Variants in RARB observed in about 807,000 individuals in gnomAD.
RARB encodes the protein retinoic acid receptor beta.
RARB carries 17 observed loss-of-function variants against 51.9 expected under a neutral mutation model. The observed-to-expected ratio is 0.33, with a 90% CI of 0.22 to 0.49. The LOEUF (loss-of-function observed/expected upper bound fraction) is 0.49. RARB is among the 20% of genes least tolerant of loss of function. RARB has a pLI of 0.99. For synonymous variants in RARB, 215 were observed against 195.4 expected (o/e 1.10, Z -0.84); for missense variants, 369 against 550.8 (o/e 0.67, Z 3.30).
intron 2 of RARB, among the ~76,000 whole-genome samples, chr3:25,037,292 T>C (rs1698017838): frequency 6.6e-6 from 1 of 150,596 alleles, no homozygotes; most frequent in Non-Finnish European, 1.5e-5. Flanking sequence ...CCATGGCGAA[T>C]AAAGTTTCAA....
chr3:25,215,235 G>A (rs1056527216), intron 5 of RARB, among the ~76,000 whole-genome samples: 1 of 152,152 alleles, frequency 6.6e-6, no homozygotes, highest in Non-Finnish European at 1.5e-5. Context: ...TGTAGCCAGG[G>A]TTGAGAACCA....
intron 5 of RARB, among the ~76,000 whole-genome samples, chr3:25,216,138 T>G (rs1701827198): frequency 6.6e-6 from 1 of 152,142 alleles, no homozygotes; most frequent in Admixed American, 6.6e-5. Flanking sequence ...GGTGGACACC[T>G]CAAACCACCA....
At chr3:25,084,972 C>G (rs181832785) in intron 3 of RARB, among the ~76,000 whole-genome samples, 1 of 152,102 alleles carries the variant, frequency 6.6e-6, no homozygotes, top group South Asian at 2.1e-4. Flanking sequence ...GCATGACAGA[C>G]AAGTCATTTA....
intron 4 of RARB, among the ~76,000 whole-genome samples, chr3:25,574,847 G>A (rs1401216647): frequency 2.0e-5 from 3 of 152,176 alleles, no homozygotes; most frequent in African/African-American, 7.2e-5. Context: ...CAGAGGAGCA[G>A]AACCTGGAAC....
At chr3:25,120,886 T>C (rs889140463) in intron 3 of RARB, among the ~76,000 whole-genome samples, 23 of 152,188 alleles carry the variant, frequency 1.5e-4, no homozygotes, top group African/African-American at 5.1e-4. Flanking sequence ...ACATATTGTC[T>C]ATGGCCACTT....
intron 3 of RARB, among the ~76,000 whole-genome samples, chr3:25,074,136 G>A (rs1049974662): frequency 6.6e-6 from 1 of 152,190 alleles, no homozygotes; most frequent in Non-Finnish European, 1.5e-5. Flanking sequence ...TCAAATTAAA[G>A]TGTATGTTTT....
intron 2 of RARB, among the ~76,000 whole-genome samples, chr3:25,493,478 C>G (rs527959446): frequency 2.0e-5 from 3 of 152,230 alleles, no homozygotes; most frequent in African/African-American, 7.2e-5. Context: ...TTATTGGCAG[C>G]TCTCTGCTGG....
chr3:25,442,086 T>A (rs1167127553), intron 1 of RARB, among the ~76,000 whole-genome samples: 2 of 151,954 alleles, frequency 1.3e-5, no homozygotes, highest in Non-Finnish European at 2.9e-5. Flanking sequence ...TTAATACAGC[T>A]GAGGAAGTGA....
intron 1 of RARB, among the ~76,000 whole-genome samples, chr3:25,449,811 G>A (rs1016928886): frequency 6.6e-6 from 1 of 150,992 alleles, no homozygotes; most frequent in African/African-American, 2.4e-5. Context: ...GAGTGCAATG[G>A]TGCGATCTCG....
At chr3:24,983,804 A>G (rs1696728648) in intron 2 of RARB, among the ~76,000 whole-genome samples, 2 of 152,148 alleles carry the variant, frequency 1.3e-5, no homozygotes, top group African/African-American at 4.8e-5. Flanking sequence ...CGATAAGCTT[A>G]TTAAATGCAG....
intron 2 of RARB, 38 bp downstream of exon 2, chr3:25,461,379 T>G: frequency 6.2e-7 from 1 of 1,604,436 alleles, no homozygotes; most frequent in Non-Finnish European, 8.5e-7. Flanking sequence ...GAACTCTCAT[T>G]CTCCATGTAC....
At chr3:25,521,199 T>A (rs987567651) in intron 3 of RARB, among the ~76,000 whole-genome samples, 2 of 152,234 alleles carry the variant, frequency 1.3e-5, no homozygotes, top group Non-Finnish European at 2.9e-5. Context: ...CTACAGAGCG[T>A]GTCTCCAGTG....
intron 5 of RARB, among the ~76,000 whole-genome samples, chr3:25,319,983 G>T (rs532588741): frequency 6.6e-6 from 1 of 151,880 alleles, no homozygotes; most frequent in East Asian, 1.9e-4. Context: ...TTCTGGAACA[G>T]TGGGGACATT....
At chr3:25,514,698 A>G (rs2125624929) in intron 3 of RARB, among the ~76,000 whole-genome samples, 1 of 152,330 alleles carries the variant, frequency 6.6e-6, no homozygotes, top group South Asian at 2.1e-4. Flanking sequence ...TTAAAATAAA[A>G]CTGAGGAACT....
At chr3:25,509,166 CCCTCG>C (rs1697760230) in intron 3 of RARB, among the ~76,000 whole-genome samples, 4 of 152,182 alleles carry the variant, frequency 2.6e-5, no homozygotes, top group Admixed American at 1.3e-4. Flanking sequence ...TCAAATGCAG[CCCTCG>C]CCTCTAGCTA....
At chr3:25,357,946 C>G (rs1221595591) in intron 5 of RARB, among the ~76,000 whole-genome samples, 1 of 152,172 alleles carries the variant, frequency 6.6e-6, no homozygotes, top group Non-Finnish European at 1.5e-5. Flanking sequence ...TAGCATGATT[C>G]ATCCAGCTTT....
At chr3:25,063,431 T>C (rs779302483) in intron 3 of RARB, among the ~76,000 whole-genome samples, 2 of 152,056 alleles carry the variant, frequency 1.3e-5, no homozygotes, top group African/African-American at 2.4e-5. Context: ...TTCCATCCTA[T>C]TTCTTTTTAT....
intron 2 of RARB, among the ~76,000 whole-genome samples, chr3:25,006,374 A>G (rs181957254): frequency 2.0e-3 from 297 of 152,292 alleles, no homozygotes; most frequent in African/African-American, 6.8e-3. Context: ...ATAGTAGGAG[A>G]TAAATACCTG....
intron 5 of RARB, among the ~76,000 whole-genome samples, chr3:25,379,585 G>T (rs1706565647): frequency 1.3e-5 from 2 of 152,198 alleles, no homozygotes; most frequent in African/African-American, 4.8e-5. Flanking sequence ...CATACTTAAT[G>T]CAGTCAGAGT....
Sources: gnomAD v4.1 joint callset for allele counts (sites outside exome capture counted in the v4.1 genomes callset) on GRCh38, gnomAD v4.1.1 for gene constraint, MANE v1.5 for transcripts, NCBI Gene and HGNC (gene_info 2026-07-23, HGNC 2026-07-21) for gene names.